Variants in STEAP2 observed in about 807,000 individuals in gnomAD.
STEAP2 encodes the protein metalloreductase STEAP2.
In STEAP2, 30 loss-of-function variants were observed where a neutral mutation model predicts 46.4. The observed-to-expected ratio is 0.65, with a 90% confidence interval of 0.48 to 0.88. STEAP2 has a LOEUF of 0.88. Among genes scored for constraint, STEAP2 ranks in the 40% least tolerant of loss-of-function variants. STEAP2 has a pLI of 0.00. For synonymous variants in STEAP2, 180 were observed against 200.5 expected (o/e 0.90, Z 0.86); for missense variants, 513 against 579.3 (o/e 0.89, Z 1.18).
Position 90,236,482 on chromosome 7 carries a change from A to G in STEAP2, c.*3858A>G. ...GACACCCTACCTTCAATTGTTCATC[A>G]GTGGGTAAAACAAATTCTGATGTAC... On this transcript the variant is annotated 3_prime_UTR_variant, in exon 6 of 6. Transcript: ENST00000394621. 1 of 1,000,788 alleles carries G rather than the reference A, an allele frequency of 1.0e-6. No individual in the cohort carries two copies. Among genetic ancestry groups the G allele is most frequent in the South Asian group, 4.3e-5 (1 of 23,020 alleles). 62.0% of individuals were successfully genotyped at this position (1,000,788 alleles called of 1,614,324 possible). A position where few individuals can be genotyped will look rare whatever the true frequency, so the allele number is the denominator to read the frequency against.
chr7:90,220,089 T>C (rs955439528), intron 2 of STEAP2, among the ~76,000 whole-genome samples: 2 of 152,190 alleles, frequency 1.3e-5, no homozygotes, highest in African/African-American at 4.8e-5. Flanking sequence ...TAATAGTATG[T>C]AGTTTTCTTT....
intron 2 of STEAP2, among the ~76,000 whole-genome samples, chr7:90,218,100 C>T (rs1397345329): frequency 6.6e-6 from 1 of 152,058 alleles, no homozygotes; most frequent in Admixed American, 6.6e-5. Flanking sequence ...GACCTTTACC[C>T]ATTTTTATGG....
chr7:90,229,800 A>G lies in STEAP2; in HGVS notation c.1021-72A>G, dbSNP rs1584246246. On this transcript the variant is annotated intron_variant, in intron 4 of 5. Transcript: ENST00000394621. ...TATATGACCAGGTTCTTCTTATGCC[A>G]AGAGTGAACTCTGTGCTGAATCAGT... is the stretch of plus-strand genomic sequence containing the variant. 4 of 1,548,880 alleles carry G rather than the reference A, an allele frequency of 2.6e-6. No individual in the cohort carries two copies. In the East Asian group the frequency reaches 9.0e-5, roughly 35 times the overall value.
rs1437792893 is a variant in STEAP2, at chr7:90,236,310, T to G, written c.*3686T>G. On this transcript the variant is annotated 3_prime_UTR_variant, in exon 6 of 6. Coordinates refer to ENST00000394621, the MANE Select transcript of STEAP2 (RefSeq NM_001244944.2). ...AATACTGTGAACACTGAACTAATTATTCCTGTGTCAGTCTATGAAATCCCT... is the reference window on the plus strand; with the variant it reads ...AATACTGTGAACACTGAACTAATTAGTCCTGTGTCAGTCTATGAAATCCCT... 1.0e-6 allele frequency: 1 copy of G among 975,712 alleles called. No homozygotes were observed. The allele number at this position is 975,712 out of a possible 1,614,324, so 60.4% of individuals were successfully genotyped here. A position where few individuals can be genotyped will look rare whatever the true frequency, so the allele number is the denominator to read the frequency against.
rs776871881 is a variant in STEAP2, at chr7:90,225,287, T to G, written c.205T>G (p.Phe69Val). ...GSRNPKFASE[F>V]FPHVVDVTHH... ...TAGAAATCCTAAGTTTGCTTCTGAA[T>G]TTTTTCCTCATGTGGTAGATGTCAC... The change falls in exon 3 of 6, where the codon TTT (phenylalanine) becomes GTT (valine). Residue 69 changes from phenylalanine (F) to valine (V), a missense_variant. Phe to Val is a conservative substitution (Grantham distance 50). Coordinates refer to ENST00000394621, the MANE Select transcript of STEAP2 (RefSeq NM_001244944.2). 2 of 1,614,008 alleles carry G rather than the reference T, an allele frequency of 1.2e-6. No individual in the cohort carries two copies. The highest frequency in any genetic ancestry group is 1.7e-6 in the Non-Finnish European group (2 of 1,179,958).
Position 90,237,049 on chromosome 7 carries a change from C to T in STEAP2, c.*4425C>T. 1 of 1,313,242 alleles carries T rather than the reference C, an allele frequency of 7.6e-7. No individual in the cohort carries two copies. Among genetic ancestry groups the T allele is most frequent in the Non-Finnish European group, 1.1e-6 (1 of 928,064 alleles). The allele number at this position is 1,313,242 out of a possible 1,614,324, so 81.3% of individuals were successfully genotyped here. A position where few individuals can be genotyped will look rare whatever the true frequency, so the allele number is the denominator to read the frequency against. ...GTGTTGGCCAGTGAGATGAAGTCTC[C>T]TCAAAGGAAGGCAGCATGTGTCCTT... On this transcript the variant is annotated 3_prime_UTR_variant, in exon 6 of 6. Coordinates refer to ENST00000394621, the MANE Select transcript of STEAP2 (RefSeq NM_001244944.2).
intron 2 of STEAP2, among the ~76,000 whole-genome samples, chr7:90,224,019 A>G (rs1386504223): frequency 1.3e-5 from 2 of 152,210 alleles, no homozygotes; most frequent in African/African-American, 4.8e-5. Flanking sequence ...CTTGTGAGCC[A>G]TCACTTAGTA....
chr7:90,237,586 A>G lies in STEAP2; in HGVS notation c.*4962A>G, dbSNP rs76126512. On this transcript the variant is annotated 3_prime_UTR_variant, in exon 6 of 6. Coordinates refer to ENST00000394621, the MANE Select transcript of STEAP2 (RefSeq NM_001244944.2). ...ATTCTCATAGATCTGCCTTATAAAC[A>G]TTTAAATAAAAAGTACTATTTAATG... 0.013 allele frequency: 1,990 copies of G among 154,134 alleles called. 42 individuals are homozygous for G. The highest frequency in any genetic ancestry group is 0.044 in the African/African-American group (1,827 of 41,558). The allele number at this position is 154,134 out of a possible 1,614,324, so 9.5% of individuals were successfully genotyped here. A position where few individuals can be genotyped will look rare whatever the true frequency, so the allele number is the denominator to read the frequency against.
chr7:90,242,128 A>G (rs1796070911), downstream of STEAP2, among the ~76,000 whole-genome samples: 2 of 152,220 alleles, frequency 1.3e-5, no homozygotes, highest in African/African-American at 4.8e-5. Flanking sequence ...TTGCCAAGCA[A>G]GAGAACTTAC....
At chr7:90,223,005 G>C (rs1281614034) in intron 2 of STEAP2, among the ~76,000 whole-genome samples, 4 of 152,142 alleles carry the variant, frequency 2.6e-5, no homozygotes. Flanking sequence ...ATGGCAACCT[G>C]ATTTGTATTC....
chr7:90,212,133 C>T (rs1296041292), intron 1 of STEAP2, 88 bp downstream of exon 1: 1 of 152,456 alleles, frequency 6.6e-6, no homozygotes, highest in Non-Finnish European at 1.5e-5. Context: ...CTGCATCCAT[C>T]CTCCCCGATT....
chr7:90,233,621 T>A lies in STEAP2; in HGVS notation c.*997T>A. 1.1e-6 allele frequency: 1 copy of A among 878,330 alleles called. No homozygotes were observed. Among genetic ancestry groups the A allele is most frequent in the Non-Finnish European group, 1.4e-6 (1 of 732,640 alleles). 54.4% of individuals were successfully genotyped at this position (878,330 alleles called of 1,614,324 possible). A position where few individuals can be genotyped will look rare whatever the true frequency, so the allele number is the denominator to read the frequency against. ...ACTTAGAACAACCCCGTGAGATAAGTAGTTATTATCCTCATTTTACACATG... is the reference window on the plus strand; with the variant it reads ...ACTTAGAACAACCCCGTGAGATAAGAAGTTATTATCCTCATTTTACACATG... On this transcript the variant is annotated 3_prime_UTR_variant, in exon 6 of 6. Transcript: ENST00000394621.
In STEAP2 at chr7:90,227,377, A is replaced by G. The variant is rs142294463; in HGVS notation, c.899A>G (p.Gln300Arg). Residue 300 changes from glutamine (Q) to arginine (R), a missense_variant, in exon 4 of 6, where the codon CAG becomes CGG. Physicochemically the swap from Gln to Arg is conservative, Grantham distance 43 (BLOSUM62 1). Coordinates refer to ENST00000394621, the MANE Select transcript of STEAP2 (RefSeq NM_001244944.2). ...RFPPWLETWL[Q>R]CRKQLGLLSF... Reference sequence around the variant, plus strand: ...CCACCTTGGTTGGAAACCTGGTTACAGTGTAGAAAACAGCTTGGATTACTA... The same window carrying G: ...CCACCTTGGTTGGAAACCTGGTTACGGTGTAGAAAACAGCTTGGATTACTA... 3.5e-5 allele frequency: 57 copies of G among 1,613,662 alleles called. No individual in the cohort carries two copies. The highest frequency in any genetic ancestry group is 4.2e-5 in the Non-Finnish European group (50 of 1,179,774).
At chr7:90,221,742 T>A (rs1181714946) in intron 2 of STEAP2, among the ~76,000 whole-genome samples, 1 of 152,114 alleles carries the variant, frequency 6.6e-6, no homozygotes, top group East Asian at 1.9e-4. Context: ...AGTCATATTG[T>A]CAAAAGTAAA....
intron 5 of STEAP2, among the ~76,000 whole-genome samples, chr7:90,230,314 G>T (rs1217462352): frequency 6.6e-6 from 1 of 151,844 alleles, no homozygotes; most frequent in Admixed American, 6.6e-5. Context: ...AAAAATGAAA[G>T]TTGGGAAGGA....
At chr7:90,221,150 A>G (rs1382549097) in intron 2 of STEAP2, among the ~76,000 whole-genome samples, 1 of 152,190 alleles carries the variant, frequency 6.6e-6, no homozygotes, top group Non-Finnish European at 1.5e-5. Context: ...TCTAACGTAT[A>G]GTTTAAATTC....
In STEAP2 at chr7:90,236,829, CT is replaced by C; in HGVS notation, c.*4209del. On this transcript the variant is annotated 3_prime_UTR_variant, in exon 6 of 6. Coordinates refer to ENST00000394621, the MANE Select transcript of STEAP2 (RefSeq NM_001244944.2). ...CTAAATTAAATCACAAAAGCAGATGCTTTTGTATGATCTCCAAATTGCCAAC... is the reference window on the plus strand; with the variant it reads ...CTAAATTAAATCACAAAAGCAGATGCTTTGTATGATCTCCAAATTGCCAAC... 2 of 1,605,586 alleles carry C rather than the reference CT, an allele frequency of 1.2e-6. No individual in the cohort carries two copies. The highest frequency in any genetic ancestry group is 1.7e-5 in the Admixed American group (1 of 59,196).
At chr7:90,228,834 C>T (rs1312061691) in intron 4 of STEAP2, among the ~76,000 whole-genome samples, 2 of 152,050 alleles carry the variant, frequency 1.3e-5, no homozygotes, top group Admixed American at 6.6e-5. Context: ...TTGTAGTCTC[C>T]GAGTACACTG....
At chr7:90,215,993 TTGAACTCC>T (rs903535389) in intron 1 of STEAP2, 26 of 152,214 alleles carry the variant, frequency 1.7e-4, no homozygotes, top group African/African-American at 6.0e-4. Context: ...CAGTCTGATC[TTGAACTCC>T]TGACCTCAAG....
Sources: allele counts gnomAD v4.1 joint callset (sites outside exome capture counted in the v4.1 genomes callset), GRCh38; gene constraint gnomAD v4.1.1; transcripts MANE v1.5; gene names NCBI Gene and HGNC (gene_info 2026-07-23, HGNC 2026-07-21).